ADAM28: variants seen among roughly 807,000 people sequenced by gnomAD.
ADAM28 encodes ADAM metallopeptidase domain 28.
ADAM28 carries 105 observed loss-of-function variants against 101.2 expected under a neutral mutation model. The ratio of observed to expected loss-of-function variants is 1.04; its 90% CI spans 0.89 to 1.22. The LOEUF (loss-of-function observed/expected upper bound fraction) is 1.22, where lower values mean the gene tolerates loss of function less well. Among genes scored for constraint, ADAM28 ranks in the 50% most tolerant of loss-of-function variants. The probability of loss-of-function intolerance (pLI) is 0.00; values close to 1 mark genes in which losing one functional copy is unlikely to be tolerated. For missense variants in ADAM28, 1,028 were observed against 945.4 expected, an observed-to-expected ratio of 1.09 and a Z score of -1.15; for synonymous variants, 322 against 310.6, an observed-to-expected ratio of 1.04 and a Z score of -0.39.
rs1816563893 is a variant in ADAM28, at chr8:24,354,773, C to T, written c.*369C>T. 1 of 164,164 alleles carries T rather than the reference C, an allele frequency of 6.1e-6. No homozygotes were observed. The highest frequency in any genetic ancestry group is 1.9e-4 in the South Asian group (1 of 5,396). The allele number at this position is 164,164 out of a possible 1,614,324, so 10.2% of individuals were successfully genotyped here. A position where few individuals can be genotyped will look rare whatever the true frequency, so the allele number is the denominator to read the frequency against. Reference sequence around the variant, plus strand: ...AAAAATTGTACATCCATTAAATGTACAATTGATTGCAACATCTTGATTGTT... The same window carrying T: ...AAAAATTGTACATCCATTAAATGTATAATTGATTGCAACATCTTGATTGTT... On this transcript the variant is annotated 3_prime_UTR_variant, in exon 23 of 23. Coordinates refer to ENST00000265769, the MANE Select transcript of ADAM28 (RefSeq NM_014265.6).
At chr8:24,339,392 A>G (rs1052276857) in intron 14 of ADAM28, 74 bp from the exon 15 acceptor site, 53 of 1,183,644 alleles carry the variant, frequency 4.5e-5, no homozygotes, top group Non-Finnish European at 6.2e-5. Context: ...AATCTTTAAA[A>G]TCTTTTATTT....
At chr8:24,338,090 A>G (rs1274939766) in intron 14 of ADAM28, among the ~76,000 whole-genome samples, 3 of 152,228 alleles carry the variant, frequency 2.0e-5, no homozygotes, top group Non-Finnish European at 4.4e-5. Flanking sequence ...AGAAAAATGC[A>G]TACACAAAAT....
At chr8:24,317,257 A>AAAGAC (rs1811275400) in intron 6 of ADAM28, among the ~76,000 whole-genome samples, 1 of 152,062 alleles carries the variant, frequency 6.6e-6, no homozygotes, top group African/African-American at 2.4e-5. Flanking sequence ...TGAGAAAAAA[A>AAAGAC]AAGACATCAT....
chr8:24,314,515 A>G (rs145647019), intron 6 of ADAM28, among the ~76,000 whole-genome samples: 346 of 152,264 alleles, frequency 2.3e-3, no homozygotes, highest in African/African-American at 5.3e-3. Context: ...TTCAAATCCA[A>G]TCATTTCTTT....
chr8:24,332,132 C>T (rs1381709284), intron 12 of ADAM28, among the ~76,000 whole-genome samples: 1 of 152,156 alleles, frequency 6.6e-6, no homozygotes, highest in African/African-American at 2.4e-5. Flanking sequence ...CAGGGGAACA[C>T]TTTTGAGGTA....
At chr8:24,340,505 G>A (rs1396575217) in intron 15 of ADAM28, among the ~76,000 whole-genome samples, 1 of 151,980 alleles carries the variant, frequency 6.6e-6, no homozygotes, top group Non-Finnish European at 1.5e-5. Flanking sequence ...GAAGAGAGTG[G>A]GTCTCGCCAT....
chr8:24,296,885 G>C (rs1296996022), intron 1 of ADAM28, among the ~76,000 whole-genome samples: 1 of 152,184 alleles, frequency 6.6e-6, no homozygotes, highest in African/African-American at 2.4e-5. Flanking sequence ...TGGGGAAGAC[G>C]CTGCACCATT....
Position 24,310,157 on chromosome 8 carries a change from C to T in ADAM28, c.228-6C>T, listed in dbSNP as rs1251128984. The T allele has an allele frequency of 6.2e-7, 1 of 1,612,924 alleles. No homozygotes were observed. The highest frequency in any genetic ancestry group is 8.5e-7 in the Non-Finnish European group (1 of 1,179,432). On this transcript the variant is annotated splice_region_variant and splice_polypyrimidine_tract_variant and intron_variant, in intron 3 of 22. Coordinates refer to ENST00000265769, the MANE Select transcript of ADAM28 (RefSeq NM_014265.6). Reference sequence around the variant, plus strand: ...AACCACAACATTTTTGTGTTTCTTTCTCCAGGAACCTCCTTGCACCAGGCT... The same window carrying T: ...AACCACAACATTTTTGTGTTTCTTTTTCCAGGAACCTCCTTGCACCAGGCT...
chr8:24,329,244 T>C (rs1185356487), intron 10 of ADAM28, among the ~76,000 whole-genome samples: 1 of 152,138 alleles, frequency 6.6e-6, no homozygotes, highest in African/African-American at 2.4e-5. Flanking sequence ...TTGCCACTCT[T>C]GTACTGTTCT....
intron 2 of ADAM28, among the ~76,000 whole-genome samples, chr8:24,301,747 A>G (rs774024361): frequency 6.6e-6 from 1 of 152,116 alleles, no homozygotes; most frequent in Non-Finnish European, 1.5e-5. Context: ...GGGAGAGTCC[A>G]TATGTTCTCC....
chr8:24,324,114 T>C, intron 9 of ADAM28, 111 bp downstream of exon 9: 1 of 913,668 alleles, frequency 1.1e-6, no homozygotes, highest in Non-Finnish European at 1.6e-6. Context: ...ATAGAGCACT[T>C]ACTTGGATTA....
At chr8:24,318,280 T>G (rs903865089) in intron 6 of ADAM28, among the ~76,000 whole-genome samples, 1 of 152,158 alleles carries the variant, frequency 6.6e-6, no homozygotes, top group East Asian at 1.9e-4. Flanking sequence ...AGAGCTTTGC[T>G]TTTGAGACAT....
At chr8:24,329,944 T>C in intron 10 of ADAM28, 41 bp from the exon 11 acceptor site, 1 of 1,565,138 alleles carries the variant, frequency 6.4e-7, no homozygotes, top group South Asian at 1.2e-5. Context: ...TATAATTTCA[T>C]TCGAAAATCA....
At chr8:24,324,085 C>T in intron 9 of ADAM28, 82 bp downstream of exon 9, 1 of 1,352,412 alleles carries the variant, frequency 7.4e-7, no homozygotes, top group Non-Finnish European at 1.0e-6. Flanking sequence ...GAGGGGTGCA[C>T]ATAGAGGGGT....
intron 14 of ADAM28, among the ~76,000 whole-genome samples, chr8:24,338,035 C>T (rs1479079361): frequency 6.6e-6 from 1 of 152,182 alleles, no homozygotes; most frequent in Non-Finnish European, 1.5e-5. Context: ...CAACTCCCTT[C>T]GTACACTGCT....
rs1816469435 is a variant in ADAM28, at chr8:24,353,900, C to T, written c.2307+68C>T. 1.7e-5 allele frequency: 19 copies of T among 1,148,944 alleles called. 1 individual carries two copies. In the South Asian group the frequency reaches 2.8e-4, roughly 17 times the overall value. The allele number at this position is 1,148,944 out of a possible 1,614,324, so 71.2% of individuals were successfully genotyped here. On this transcript the variant is annotated intron_variant, in intron 22 of 22. Transcript: ENST00000265769. ...TCTCCTACTGTCAAGAGAAGGCCCACCATGTCTTTTTAGAAAAAAACTTAC... is the reference window on the plus strand; with the variant it reads ...TCTCCTACTGTCAAGAGAAGGCCCATCATGTCTTTTTAGAAAAAAACTTAC...
intron 8 of ADAM28, among the ~76,000 whole-genome samples, chr8:24,322,165 A>G (rs568737506): frequency 2.4e-4 from 36 of 152,150 alleles, no homozygotes; most frequent in African/African-American, 6.3e-4. Context: ...GGAGGGCTAA[A>G]CATTGATAAT....
intron 16 of ADAM28, 98 bp downstream of exon 16, chr8:24,341,855 C>T (rs760720386): frequency 7.4e-5 from 111 of 1,500,118 alleles, no homozygotes; most frequent in Middle Eastern, 1.9e-4. Context: ...CCTTGTTTCC[C>T]GATTTTGGGG....
intron 21 of ADAM28, among the ~76,000 whole-genome samples, chr8:24,352,440 G>A (rs1421870178): frequency 6.6e-6 from 1 of 152,188 alleles, no homozygotes; most frequent in Non-Finnish European, 1.5e-5. Flanking sequence ...CTTCTGGCTT[G>A]TAGACAGCTG....
Sources: allele counts gnomAD v4.1 joint callset (sites outside exome capture counted in the v4.1 genomes callset), GRCh38; gene constraint gnomAD v4.1.1; transcripts MANE v1.5; gene names NCBI Gene and HGNC (gene_info 2026-07-23, HGNC 2026-07-21).